Variants in USP13 observed in about 807,000 individuals in gnomAD.
USP13 encodes the protein ubiquitin specific peptidase 13, also known as ubiquitin carboxyl-terminal hydrolase 13.
USP13 carries 68 observed loss-of-function variants against 107.8 expected under a neutral mutation model. That is an observed-to-expected ratio of 0.63 (90% CI 0.52 to 0.77). USP13 has a LOEUF of 0.77. Among genes scored for constraint, USP13 ranks in the 30% least tolerant of loss-of-function variants. The pLI is 0.00. For missense variants in USP13, 945 were observed against 1,093.3 expected (o/e 0.86, Z 1.91); for synonymous variants, 377 against 389.5 (o/e 0.97, Z 0.38).
chr3:179,723,042 T>C lies in USP13; in HGVS notation c.1088+1453T>C, dbSNP rs78772944. Among the ~76,000 whole-genome samples the C allele has an allele frequency of 9.4e-3, 1,430 of 152,304 alleles. 22 individuals are homozygous for C. Among genetic ancestry groups the C allele is most frequent in the African/African-American group, 0.033 (1,354 of 41,538 alleles). On this transcript the variant is annotated intron_variant, in intron 8 of 20. Coordinates refer to ENST00000263966, the MANE Select transcript of USP13 (RefSeq NM_003940.3). ...ACTGCCTACGTGTAGAGAATCATCC[T>C]AATGTGTTCCAGAGGTAGGTTTCCA...
chr3:179,744,419 T>C (rs1203318254), intron 12 of USP13, among the ~76,000 whole-genome samples: 1 of 151,928 alleles, frequency 6.6e-6, no homozygotes, highest in East Asian at 1.9e-4. Context: ...TTAACAAGAA[T>C]GTTTTTGTTA....
At chr3:179,731,190 C>T (rs1414534721) in intron 10 of USP13, among the ~76,000 whole-genome samples, 1 of 152,130 alleles carries the variant, frequency 6.6e-6, no homozygotes, top group Non-Finnish European at 1.5e-5. Context: ...GTGGGTGGAT[C>T]ACCTGAGGTT....
intron 19 of USP13, among the ~76,000 whole-genome samples, chr3:179,774,196 T>C (rs59299104): frequency 0.16 from 24,219 of 152,044 alleles, 2,036 homozygotes; most frequent in East Asian, 0.21. Context: ...CTCTTCTCCC[T>C]TGAACTAATA....
intron 10 of USP13, among the ~76,000 whole-genome samples, chr3:179,731,642 T>A (rs1307353196): frequency 6.6e-6 from 1 of 152,220 alleles, no homozygotes; most frequent in Non-Finnish European, 1.5e-5. Context: ...ACCCTCCCTA[T>A]GCTGCTTGTT....
At chr3:179,774,512 C>T (rs563968684) in intron 19 of USP13, among the ~76,000 whole-genome samples, 4 of 148,898 alleles carry the variant, frequency 2.7e-5, no homozygotes, top group East Asian at 1.9e-4. Context: ...TAAGGCAGCA[C>T]GTCTGGAGTT....
chr3:179,750,767 C>A (rs1714582800), intron 13 of USP13, among the ~76,000 whole-genome samples: 1 of 152,290 alleles, frequency 6.6e-6, no homozygotes, highest in East Asian at 1.9e-4. Context: ...ATGAACATTG[C>A]ACGGCCTGGC....
intron 1 of USP13, among the ~76,000 whole-genome samples, chr3:179,665,298 T>C (rs1176410539): frequency 6.6e-6 from 1 of 152,182 alleles, no homozygotes; most frequent in Non-Finnish European, 1.5e-5. Flanking sequence ...ATGGAAAGTC[T>C]GGCATGAGGA....
intron 2 of USP13, among the ~76,000 whole-genome samples, chr3:179,687,976 A>G (rs959846957): frequency 6.6e-6 from 1 of 152,104 alleles, no homozygotes; most frequent in African/African-American, 2.4e-5. Context: ...TTTCTGGAGC[A>G]CACTGTGATT....
chr3:179,768,050 C>A (rs1001835898), intron 19 of USP13, among the ~76,000 whole-genome samples: 11 of 152,108 alleles, frequency 7.2e-5, no homozygotes, highest in Non-Finnish European at 1.2e-4. Context: ...TACTAGCTTG[C>A]CTAAAATATT....
At chr3:179,681,759 C>A in intron 1 of USP13, 119 bp from the exon 2 acceptor site, 2 of 1,313,562 alleles carry the variant, frequency 1.5e-6, no homozygotes, top group Non-Finnish European at 2.1e-6. Flanking sequence ...CAGCAGGAGC[C>A]TCGGTGGCCC....
chr3:179,666,625 G>T lies in USP13; in HGVS notation c.168+13232G>T, dbSNP rs996212401. 5.9e-5 allele frequency among the ~76,000 whole-genome samples: 9 copies of T among 152,308 alleles called. No individual in the cohort carries two copies. In the East Asian group the frequency reaches 7.7e-4, roughly 13 times the overall value. ...TTGGGGAGTGGAGCTGGCAAAGCCTGCTGAAACCTCTCTCCTGCCCCGCAG... is the reference window on the plus strand; with the variant it reads ...TTGGGGAGTGGAGCTGGCAAAGCCTTCTGAAACCTCTCTCCTGCCCCGCAG... On this transcript the variant is annotated intron_variant, in intron 1 of 20. Coordinates refer to ENST00000263966, the MANE Select transcript of USP13 (RefSeq NM_003940.3).
chr3:179,758,195 A>G (rs758172101), intron 16 of USP13, among the ~76,000 whole-genome samples: 23 of 152,038 alleles, frequency 1.5e-4, no homozygotes, highest in Non-Finnish European at 3.1e-4. Context: ...CTGGGACCAG[A>G]ACTAGGGCTA....
At chr3:179,715,694 G>A (rs1368350605) in intron 6 of USP13, among the ~76,000 whole-genome samples, 3 of 151,926 alleles carry the variant, frequency 2.0e-5, no homozygotes, top group African/African-American at 7.3e-5. Flanking sequence ...AGCTGCTGGA[G>A]TTGTCTTGTT....
At position 179,788,140 on chromosome 3, in the gene USP13, G is replaced by C. The variant is rs535775026; in HGVS notation, c.*3999G>C. 1.2e-4 allele frequency: 19 copies of C among 152,334 alleles called. No individual in the cohort carries two copies. Among genetic ancestry groups the C allele is most frequent in the Admixed American group, 1.2e-3 (19 of 15,292 alleles). The allele number at this position is 152,334 out of a possible 1,614,324, so 9.4% of individuals were successfully genotyped here. On this transcript the variant is annotated 3_prime_UTR_variant, in exon 21 of 21. Transcript: ENST00000263966. ...AGTGCTGACAAAATTGTCTACCACA[G>C]AAAGGCCGTCCTTGTCATCTTGTAG...
intron 1 of USP13, among the ~76,000 whole-genome samples, chr3:179,661,409 T>C (rs777662529): frequency 2.3e-4 from 35 of 152,198 alleles, no homozygotes; most frequent in Non-Finnish European, 2.2e-4. Flanking sequence ...ATTGACACTT[T>C]TTGAAAAAAT....
rs974346963 is a variant in USP13, at chr3:179,731,209, G to A, written c.1254+500G>A. ...GTGGATCACCTGAGGTTGGGAGTTC[G>A]AGACCAGCCTGGCCAACATGGTGAA... On this transcript the variant is annotated intron_variant, in intron 10 of 20. Transcript: ENST00000263966. Among the ~76,000 whole-genome samples, 4 of 152,166 alleles carry A rather than the reference G, an allele frequency of 2.6e-5. No individual in the cohort carries two copies. The East Asian group carries it at 7.7e-4, about 29-fold the overall frequency.
intron 1 of USP13, among the ~76,000 whole-genome samples, chr3:179,664,764 G>A (rs984479973): frequency 6.6e-6 from 1 of 152,190 alleles, no homozygotes; most frequent in African/African-American, 2.4e-5. Context: ...TGCTTGAGGT[G>A]CAAGATAGTA....
intron 16 of USP13, among the ~76,000 whole-genome samples, chr3:179,758,745 G>A (rs888340627): frequency 5.9e-5 from 9 of 151,994 alleles, no homozygotes; most frequent in Non-Finnish European, 1.2e-4. Context: ...TGATCCACCC[G>A]CCTCGGCCTC....
At chr3:179,760,008 A>G (rs1174031132) in intron 16 of USP13, among the ~76,000 whole-genome samples, 1 of 152,118 alleles carries the variant, frequency 6.6e-6, no homozygotes, top group East Asian at 1.9e-4. Flanking sequence ...TTTGTAGAAC[A>G]GCTATTTCTC....
Sources: allele counts gnomAD v4.1 joint callset (sites outside exome capture counted in the v4.1 genomes callset), GRCh38; gene constraint gnomAD v4.1.1; transcripts MANE v1.5; gene names NCBI Gene and HGNC (gene_info 2026-07-23, HGNC 2026-07-21).